Variants in PAPOLG observed in about 807,000 individuals in gnomAD.
PAPOLG encodes PAP-gamma.
In PAPOLG, 40 loss-of-function variants were observed where a neutral mutation model predicts 99.0. That is an observed-to-expected ratio of 0.40 (90% CI 0.31 to 0.53). The LOEUF (loss-of-function observed/expected upper bound fraction) is 0.53. Ranked by LOEUF, PAPOLG falls within the 20% of genes least tolerant of loss-of-function variation. The pLI is 0.41. For synonymous variants in PAPOLG, 310 were observed against 299.3 expected, an observed-to-expected ratio of 1.04 and a Z score of -0.37; for missense variants, 675 against 884.1, an observed-to-expected ratio of 0.76 and a Z score of 3.00.
chr2:60,781,023 CAG>C (rs1671171990), intron 10 of PAPOLG, among the ~76,000 whole-genome samples: 1 of 152,046 alleles, frequency 6.6e-6, no homozygotes, highest in Non-Finnish European at 1.5e-5. Flanking sequence ...GTCTTATGGA[CAG>C]TGTCATAATC....
rs945331729 is a variant in PAPOLG, at chr2:60,801,878, C to A, written c.*4718C>A. On this transcript the variant is annotated 3_prime_UTR_variant, in exon 22 of 22. Coordinates refer to ENST00000238714, the MANE Select transcript of PAPOLG (RefSeq NM_022894.4). ...ACCCACGTACTTATCTTAGAAAGTA[C>A]TTAGGATATCTTTGAGATTAATGGT... 3 of 152,308 alleles carry A rather than the reference C, an allele frequency of 2.0e-5. No homozygotes were observed. The highest frequency in any genetic ancestry group is 1.3e-4 in the Admixed American group (2 of 15,284). The allele number at this position is 152,308 out of a possible 1,614,324, so 9.4% of individuals were successfully genotyped here.
chr2:60,764,159 G>A (rs1468826884), intron 3 of PAPOLG, among the ~76,000 whole-genome samples: 4 of 152,164 alleles, frequency 2.6e-5, no homozygotes, highest in African/African-American at 4.8e-5. Context: ...TTATTTTACT[G>A]GCTGTACCAG....
At chr2:60,758,631 G>T (rs937983271) in intron 1 of PAPOLG, among the ~76,000 whole-genome samples, 4 of 152,068 alleles carry the variant, frequency 2.6e-5, no homozygotes, top group Non-Finnish European at 5.9e-5. Context: ...GTTTCACCAT[G>T]TTGGCCAGGC....
intron 7 of PAPOLG, among the ~76,000 whole-genome samples, chr2:60,772,648 T>C (rs936351749): frequency 6.6e-6 from 1 of 151,838 alleles, no homozygotes; most frequent in Non-Finnish European, 1.5e-5. Context: ...CTCGGGAGGC[T>C]GAGGCAGGAA....
intron 3 of PAPOLG, among the ~76,000 whole-genome samples, chr2:60,762,199 C>T (rs1367140726): frequency 6.6e-6 from 1 of 152,118 alleles, no homozygotes; most frequent in African/African-American, 2.4e-5. Context: ...GCCCCCACCA[C>T]TCCCTGTTTT....
intron 21 of PAPOLG, 130 bp downstream of exon 21, chr2:60,795,150 A>G (rs1671658324): frequency 1.3e-6 from 1 of 767,564 alleles, no homozygotes; most frequent in Non-Finnish European, 2.2e-6. Flanking sequence ...CCCAAGGACT[A>G]GCAGTGTAGT....
intron 3 of PAPOLG, 146 bp downstream of exon 3, chr2:60,761,953 T>G: frequency 1.5e-6 from 1 of 660,028 alleles, no homozygotes. Context: ...TCTAGACAGT[T>G]GAATTTCTAA....
In PAPOLG at chr2:60,800,178, T is replaced by C. The variant is rs939266782; in HGVS notation, c.*3018T>C. 5 of 152,084 alleles carry C rather than the reference T, an allele frequency of 3.3e-5. No individual in the cohort carries two copies. 9.4% of individuals were successfully genotyped at this position (152,084 alleles called of 1,614,324 possible). A position where few individuals can be genotyped will look rare whatever the true frequency, so the allele number is the denominator to read the frequency against. Reference sequence around the variant, plus strand: ...TAAAACTGGGACAGGAGAATTATTATTTTTTTATTTTTTATTTTTTTATGA... The same window carrying C: ...TAAAACTGGGACAGGAGAATTATTACTTTTTTATTTTTTATTTTTTTATGA... On this transcript the variant is annotated 3_prime_UTR_variant, in exon 22 of 22. Transcript: ENST00000238714.
At chr2:60,776,876 A>T (rs1186170276) in intron 8 of PAPOLG, among the ~76,000 whole-genome samples, 1 of 152,190 alleles carries the variant, frequency 6.6e-6, no homozygotes, top group Non-Finnish European at 1.5e-5. Flanking sequence ...CTACATTGAT[A>T]ATTTGTTGTT....
chr2:60,767,444 A>G (rs1305314284), intron 3 of PAPOLG, among the ~76,000 whole-genome samples: 1 of 150,950 alleles, frequency 6.6e-6, no homozygotes, highest in African/African-American at 2.4e-5. Flanking sequence ...AGCTGAGACT[A>G]CAGGCACACG....
At chr2:60,795,092 G>T (rs957139610) in intron 21 of PAPOLG, 72 bp downstream of exon 21, 94 of 1,315,072 alleles carry the variant, frequency 7.1e-5, no homozygotes, top group Middle Eastern at 1.9e-4. Context: ...AGTACAAAAG[G>T]CTTATTAAGA....
chr2:60,783,237 C>A, intron 13 of PAPOLG, 28 bp downstream of exon 13: 10 of 1,435,954 alleles, frequency 7.0e-6, no homozygotes, highest in Non-Finnish European at 9.6e-6. Context: ...AGTTTTCTAC[C>A]TACTGTGTGG....
intron 13 of PAPOLG, among the ~76,000 whole-genome samples, chr2:60,784,950 A>G (rs765062993): frequency 3.3e-5 from 5 of 152,248 alleles, no homozygotes; most frequent in African/African-American, 4.8e-5. Context: ...ATTATAATGT[A>G]TAAGCTTTTG....
In PAPOLG at chr2:60,768,817, A is replaced by G; in HGVS notation, c.365A>G (p.His122Arg). Residue 122 changes from histidine to arginine, a missense_variant, in exon 5 of 22, where the codon CAT (histidine) becomes CGT (arginine). By Grantham distance (29) the His-to-Arg change is conservative. Around this residue, in one of 3 missense-constraint regions of PAPOLG, gnomAD observed 149 missense variants for 192.1 expected, o/e 0.78. Coordinates refer to ENST00000238714, the MANE Select transcript of PAPOLG (RefSeq NM_022894.4). ...DIDALCVAPR[H>R]VERSDFFQSF... ...GATGCACTTTGTGTAGCTCCAAGACATGTGGAAAGATCTGATTTTTTTCAG... is the reference window on the plus strand; with the variant it reads ...GATGCACTTTGTGTAGCTCCAAGACGTGTGGAAAGATCTGATTTTTTTCAG... 2 of 1,596,844 alleles carry G rather than the reference A, an allele frequency of 1.3e-6. No homozygotes were observed. Among genetic ancestry groups the G allele is most frequent in the Non-Finnish European group, 1.7e-6 (2 of 1,169,428 alleles).
At position 60,792,229 on chromosome 2, in the gene PAPOLG, G is replaced by A. The variant is rs747516684; in HGVS notation, c.1619G>A (p.Gly540Glu). 4 of 1,610,104 alleles carry A rather than the reference G, an allele frequency of 2.5e-6. No individual in the cohort carries two copies. The highest frequency in any genetic ancestry group is 1.7e-6 in the Non-Finnish European group (2 of 1,179,254). The change falls in exon 17 of 22, where the codon GGA (glycine) becomes GAA (glutamate). Residue 540 changes from glycine (G) to glutamate (E), a missense_variant. By Grantham distance (98) the Gly-to-Glu change is moderately conservative. Coordinates refer to ENST00000238714, the MANE Select transcript of PAPOLG (RefSeq NM_022894.4). ...CLDSSRDTDN[G>E]TPFNSPASKS... The stretch of plus-strand genomic sequence containing the variant: ...GATAGCTCCAGAGACACTGATAATG[G>A]AACACCTTTTAATTCTCCAGCGTCC...
chr2:60,788,168 T>C (rs749768215), intron 15 of PAPOLG, among the ~76,000 whole-genome samples: 2 of 152,076 alleles, frequency 1.3e-5, no homozygotes, highest in Non-Finnish European at 2.9e-5. Context: ...TAAATACACA[T>C]TTGCTTACAA....
In PAPOLG at chr2:60,768,558, G is replaced by A. The variant is rs1670754192; in HGVS notation, c.328+7G>A. On this transcript the variant is annotated splice_region_variant and intron_variant, in intron 4 of 21. Coordinates refer to ENST00000238714, the MANE Select transcript of PAPOLG (RefSeq NM_022894.4). The stretch of plus-strand genomic sequence containing the variant: ...CTTGGAGTACACACCAAAGGTAACT[G>A]CTTTTCTGTGTTCTAGTGCTAAGAA... 6.3e-7 allele frequency: 1 copy of A among 1,578,676 alleles called. No homozygotes were observed. Among genetic ancestry groups the A allele is most frequent in the Non-Finnish European group, 8.7e-7 (1 of 1,149,488 alleles).
chr2:60,765,528 C>G (rs1185950963), intron 3 of PAPOLG, among the ~76,000 whole-genome samples: 1 of 151,920 alleles, frequency 6.6e-6, no homozygotes, highest in African/African-American at 2.4e-5. Flanking sequence ...TGAGCCACCA[C>G]TCACAGCCTG....
intron 12 of PAPOLG, 78 bp from the exon 13 acceptor site, chr2:60,783,077 GA>G (rs1157222779): frequency 1.5e-5 from 19 of 1,299,572 alleles, no homozygotes; most frequent in Admixed American, 5.0e-5. Context: ...GAGAGGGAGG[GA>G]AAAAAGGGGA....
Sources: allele counts gnomAD v4.1 joint callset (sites outside exome capture counted in the v4.1 genomes callset), GRCh38; gene constraint gnomAD v4.1.1; regional missense constraint gnomAD v4.1.1; transcripts MANE v1.5; gene names NCBI Gene and HGNC (gene_info 2026-07-23, HGNC 2026-07-21).